The following PCDHA11 variants were observed in gnomAD, a reference collection of about 807,000 sequenced individuals.
PCDHA11 encodes the protein protocadherin alpha-11.
A neutral mutation model predicts 70.3 loss-of-function variants in PCDHA11; 61 were observed. The ratio of observed to expected loss-of-function variants is 0.87; its 90% confidence interval spans 0.71 to 1.07. The LOEUF is 1.07. Among genes scored for constraint, PCDHA11 ranks in the 50% least tolerant of loss-of-function variants. PCDHA11 has a pLI of 0.00. For synonymous variants in PCDHA11, 633 were observed against 555.1 expected, an observed-to-expected ratio of 1.14 and a Z score of -1.97; for missense variants, 1,324 against 1,237.5, an observed-to-expected ratio of 1.07 and a Z score of -1.05.
intron 1 of PCDHA11, chr5:140,883,989 G>A (rs1554180956): frequency 6.2e-7 from 1 of 1,612,952 alleles, no homozygotes; most frequent in Non-Finnish European, 8.5e-7. Flanking sequence ...GGCAGCGCGG[G>A]AGGCACAGTG....
At chr5:141,008,502 G>A (rs539439181) in intron 3 of PCDHA11, among the ~76,000 whole-genome samples, 2 of 152,110 alleles carry the variant, frequency 1.3e-5, no homozygotes, top group South Asian at 4.2e-4. Context: ...TATACTTTAT[G>A]GTGTGTCTTC....
intron 1 of PCDHA11, chr5:140,967,032 A>T: frequency 6.2e-7 from 1 of 1,610,180 alleles, no homozygotes; most frequent in Non-Finnish European, 8.5e-7. Flanking sequence ...AGTCCGCGCT[A>T]CCTGGAGCTG....
intron 1 of PCDHA11, among the ~76,000 whole-genome samples, chr5:140,959,030 G>A (rs1303090530): frequency 6.6e-6 from 1 of 151,776 alleles, no homozygotes; most frequent in African/African-American, 2.4e-5. Flanking sequence ...GCTTTATCAT[G>A]GGTATGTATG....
At chr5:140,886,253 T>G (rs2060912572) in intron 1 of PCDHA11, among the ~76,000 whole-genome samples, 1 of 152,034 alleles carries the variant, frequency 6.6e-6, no homozygotes, top group African/African-American at 2.4e-5. Context: ...TAAAAGTATC[T>G]CTATTTATAG....
chr5:140,974,884 T>A (rs1485443373), intron 1 of PCDHA11, among the ~76,000 whole-genome samples: 1 of 152,240 alleles, frequency 6.6e-6, no homozygotes, highest in Non-Finnish European at 1.5e-5. Context: ...TATGTATCCC[T>A]TTTCTGATGA....
chr5:140,950,278 G>A (rs2094467824), intron 1 of PCDHA11, among the ~76,000 whole-genome samples: 1 of 151,868 alleles, frequency 6.6e-6, no homozygotes, highest in African/African-American at 2.4e-5. Context: ...ATGTCTTTTT[G>A]CTTCAACCTG....
intron 1 of PCDHA11, chr5:140,927,135 G>T: frequency 6.2e-7 from 1 of 1,614,062 alleles, no homozygotes; most frequent in Non-Finnish European, 8.5e-7. Flanking sequence ...GAGAGCCGGC[G>T]GACCGCGAAC....
intron 1 of PCDHA11, among the ~76,000 whole-genome samples, chr5:140,942,598 A>C: frequency 7.1e-6 from 1 of 140,144 alleles, no homozygotes; most frequent in East Asian, 2.1e-4. Flanking sequence ...ATATAATTAT[A>C]GTGTTTATAT....
In PCDHA11 at chr5:140,926,298, C is replaced by G. The variant is rs1337047837; in HGVS notation, c.2392-52651C>G. 3.3e-5 allele frequency: 5 copies of G among 152,328 alleles called. No homozygotes were observed. In the East Asian group the frequency reaches 5.8e-4, roughly 18 times the overall value. The allele number at this position is 152,328 out of a possible 1,614,324, so 9.4% of individuals were successfully genotyped here. Reference sequence around the variant, plus strand: ...TCGGCAGCTCCACGCTGAGTCCCGCCCTCTCCGCCGGAGAGGTGCGCCGGG... The same window carrying G: ...TCGGCAGCTCCACGCTGAGTCCCGCGCTCTCCGCCGGAGAGGTGCGCCGGG... On this transcript the variant is annotated intron_variant, in intron 1 of 3. Coordinates refer to ENST00000398640, the MANE Select transcript of PCDHA11 (RefSeq NM_018902.5).
rs781970996 is a variant in PCDHA11 at position 140,869,968 on chromosome 5, A to AT, written c.865_866insT (p.Arg289MetfsTer10). 5 of 1,613,220 alleles carry AT rather than the reference A, an allele frequency of 3.1e-6. No homozygotes were observed. The South Asian group carries it at 5.5e-5, about 18-fold the overall frequency. On this transcript the variant is annotated frameshift_variant, in exon 1 of 4. Coordinates refer to ENST00000398640, the MANE Select transcript of PCDHA11 (RefSeq NM_018902.5). LOFTEE classifies it high-confidence loss of function. ...CTTAATGTCAATTAAGCCCAATGGA[A>AT]GACACTTATTTACACTAGATCAAAA...
At chr5:140,925,787 C>T (rs972978659) in intron 1 of PCDHA11, among the ~76,000 whole-genome samples, 2 of 152,040 alleles carry the variant, frequency 1.3e-5, no homozygotes, top group Admixed American at 6.6e-5. Context: ...TAATGAGTAT[C>T]TCAGTACTTT....
chr5:140,982,706 T>C, intron 3 of PCDHA11, 143 bp downstream of exon 3: 1 of 1,375,170 alleles, frequency 7.3e-7, no homozygotes, highest in Admixed American at 2.9e-5. Flanking sequence ...ATGATTTCCT[T>C]ACATATATGA....
chr5:140,998,433 C>CTA (rs2097813622), intron 3 of PCDHA11, among the ~76,000 whole-genome samples: 2 of 152,160 alleles, frequency 1.3e-5, no homozygotes, highest in Admixed American at 1.3e-4. Flanking sequence ...TCCTTTAACA[C>CTA]TATTATTGTA....
At chr5:140,969,382 TC>T in intron 1 of PCDHA11, 1 of 1,597,954 alleles carries the variant, frequency 6.3e-7, no homozygotes, top group Non-Finnish European at 8.5e-7. Flanking sequence ...TTGTTACACA[TC>T]CCCCAATATC....
At chr5:140,882,839 T>C (rs1554175751) in intron 1 of PCDHA11, 1 of 1,614,218 alleles carries the variant, frequency 6.2e-7, no homozygotes, top group South Asian at 1.1e-5. Flanking sequence ...GCAAATGTCT[T>C]CATTATCACT....
intron 1 of PCDHA11, among the ~76,000 whole-genome samples, chr5:140,950,849 T>G (rs1403920591): frequency 6.6e-6 from 1 of 152,120 alleles, no homozygotes; most frequent in Non-Finnish European, 1.5e-5. Flanking sequence ...ATACATTTCT[T>G]TCATATTCTT....
intron 1 of PCDHA11, among the ~76,000 whole-genome samples, chr5:140,922,186 G>A (rs2080700999): frequency 6.6e-6 from 1 of 151,230 alleles, no homozygotes; most frequent in South Asian, 2.1e-4. Context: ...CAAAAAAAAA[G>A]TCTTATCTTT....
intron 1 of PCDHA11, chr5:140,926,589 G>T (rs929081687): frequency 1.7e-5 from 5 of 292,778 alleles, no homozygotes; most frequent in Non-Finnish European, 2.5e-5. Flanking sequence ...TCTCGCGCCC[G>T]GGCGGGCGGC....
chr5:140,875,809 C>T, intron 1 of PCDHA11: 1 of 1,614,146 alleles, frequency 6.2e-7, no homozygotes, highest in Non-Finnish European at 8.5e-7. Flanking sequence ...CGTGGACAGG[C>T]CGCTGCAGGT....
Sources: gnomAD v4.1 joint callset for allele counts (sites outside exome capture counted in the v4.1 genomes callset) on GRCh38, gnomAD v4.1.1 for gene constraint, MANE v1.5 for transcripts, NCBI Gene and HGNC (gene_info 2026-07-23, HGNC 2026-07-21) for gene names.